Variants in SLC9C2 observed in about 807,000 individuals in gnomAD.
SLC9C2 encodes the protein sodium/hydrogen exchanger 11.
Under a neutral mutation model 140.2 loss-of-function variants are expected in SLC9C2, and 75 were observed. The observed-to-expected ratio is 0.53, with a 90% CI of 0.44 to 0.65. The LOEUF (loss-of-function observed/expected upper bound fraction) is 0.65. Among genes scored for constraint, SLC9C2 ranks in the 30% least tolerant of loss-of-function variants. The pLI, the probability that SLC9C2 is intolerant of heterozygous loss-of-function variation, is 0.00. For synonymous variants in SLC9C2, 375 were observed against 420.9 expected, an observed-to-expected ratio of 0.89 and a Z score of 1.34; for missense variants, 1,074 against 1,331.8, an observed-to-expected ratio of 0.81 and a Z score of 3.01.
intron 27 of SLC9C2, 107 bp downstream of exon 27, chr1:173,503,159 T>C (rs1432597361): frequency 1.3e-5 from 10 of 778,646 alleles, no homozygotes; most frequent in Non-Finnish European, 1.9e-5. Flanking sequence ...GCTAGGAGTG[T>C]CTTTTCTCAC....
chr1:173,568,362 G>C (rs1371599063), intron 9 of SLC9C2, among the ~76,000 whole-genome samples: 1 of 151,754 alleles, frequency 6.6e-6, no homozygotes, highest in Non-Finnish European at 1.5e-5. Flanking sequence ...GCCTCCACTT[G>C]TAAGTTATAA....
At position 173,600,253 on chromosome 1, in the gene SLC9C2, C is replaced by T. The variant is rs373051800; in HGVS notation, c.128-36G>A. The T allele has an allele frequency of 1.3e-5, 19 of 1,469,560 alleles. No individual in the cohort carries two copies. The African/African-American group carries it at 2.1e-4, about 16-fold the overall frequency. 91.0% of individuals were successfully genotyped at this position (1,469,560 alleles called of 1,614,324 possible). ...AAAACAGAATAGTTGCATGAGTACT[C>T]GAAGTACAGTTTCTACCAAATGTGT... On this transcript the variant is annotated intron_variant, in intron 2 of 27. Coordinates refer to ENST00000367714, the MANE Select transcript of SLC9C2 (RefSeq NM_178527.4).
At chr1:173,569,592 C>T (rs1020604798) in intron 9 of SLC9C2, among the ~76,000 whole-genome samples, 1 of 152,006 alleles carries the variant, frequency 6.6e-6, no homozygotes, top group Non-Finnish European at 1.5e-5. Context: ...CTTAGACTTG[C>T]CCTTCTGAGG....
chr1:173,565,133 G>A (rs1442905408), intron 9 of SLC9C2, among the ~76,000 whole-genome samples: 1 of 151,864 alleles, frequency 6.6e-6, no homozygotes, highest in Non-Finnish European at 1.5e-5. Flanking sequence ...GTACAGATGG[G>A]TGGTTTCCTC....
At chr1:173,586,584 G>A (rs548707223) in intron 5 of SLC9C2, among the ~76,000 whole-genome samples, 1 of 152,306 alleles carries the variant, frequency 6.6e-6, no homozygotes, top group South Asian at 2.1e-4. Flanking sequence ...ACACATGTAT[G>A]TTTATTACAG....
At chr1:173,542,547 A>T (rs1218951795) in intron 13 of SLC9C2, among the ~76,000 whole-genome samples, 1 of 152,160 alleles carries the variant, frequency 6.6e-6, no homozygotes, top group Non-Finnish European at 1.5e-5. Context: ...CCTGGCAGAG[A>T]CACAACAAAA....
intron 13 of SLC9C2, among the ~76,000 whole-genome samples, chr1:173,537,843 T>C (rs1389079880): frequency 6.6e-6 from 1 of 152,158 alleles, no homozygotes; most frequent in Non-Finnish European, 1.5e-5. Flanking sequence ...AGAAAAATTA[T>C]AGCTTCTACA....
intron 16 of SLC9C2, among the ~76,000 whole-genome samples, chr1:173,534,194 C>T (rs1172705358): frequency 6.6e-6 from 1 of 152,080 alleles, no homozygotes; most frequent in Non-Finnish European, 1.5e-5. Context: ...TGCATCATTA[C>T]ACAAAATATT....
chr1:173,570,518 G>A (rs995769814), intron 9 of SLC9C2, among the ~76,000 whole-genome samples: 1 of 152,086 alleles, frequency 6.6e-6, no homozygotes, highest in Admixed American at 6.6e-5. Context: ...GCTGTGGGAG[G>A]GGTGGCACAA....
In SLC9C2 at chr1:173,601,829, T is replaced by C. The variant is rs1666802260; in HGVS notation, c.-53A>G. The C allele has an allele frequency of 8.1e-6, 13 of 1,605,500 alleles. No homozygotes were observed. Among genetic ancestry groups the C allele is most frequent in the Admixed American group, 3.4e-5 (2 of 59,086 alleles). On this transcript the variant is annotated 5_prime_UTR_variant, in exon 2 of 28. Transcript: ENST00000367714. ...ACTTGATGGAGTGGTTTGGTTATTA[T>C]TGACACTTTCACTTCTGCATGCTAA...
rs200329765 is a variant in SLC9C2, at chr1:173,576,722, C to T, written c.841G>A (p.Ala281Thr). ...AAAGAATCTAAATTCAGTCCTACAG[C>T]GGCTAAGGCAAGAGTGCCTGACATT... The part of the protein sequence containing the change: ...LGMSGTLALA[A>T]VGLNLDSLTF... Residue 281 changes from alanine to threonine, a missense_variant, in exon 8 of 28, where the codon GCT (alanine) becomes ACT (threonine). Physicochemically the swap from Ala to Thr is moderately conservative, Grantham distance 58 (BLOSUM62 0). Coordinates refer to ENST00000367714, the MANE Select transcript of SLC9C2 (RefSeq NM_178527.4). 4.8e-5 allele frequency: 77 copies of T among 1,608,554 alleles called. No individual in the cohort carries two copies. The East Asian group carries it at 1.4e-3, about 29-fold the overall frequency.
chr1:173,548,541 G>C lies in SLC9C2; in HGVS notation c.1309C>G (p.Leu437Val). Residue 437 changes from leucine to valine, a missense_variant, in exon 12 of 28, where the codon CTT becomes GTT. Leu to Val is a conservative substitution (Grantham distance 32, BLOSUM62 1). Coordinates refer to ENST00000367714, the MANE Select transcript of SLC9C2 (RefSeq NM_178527.4). ...AAGATCATTTGTCTTGGGAGGGAAA[G>C]AACACACAAATCTGTGACAAAGACA... is the stretch of plus-strand genomic sequence containing the variant. ...QSARKLDLCVLSLPRQMILQN... is the reference protein window; with the variant it reads ...QSARKLDLCVVSLPRQMILQN... 4 of 1,613,560 alleles carry C rather than the reference G, an allele frequency of 2.5e-6. No individual in the cohort carries two copies. The highest frequency in any genetic ancestry group is 3.4e-6 in the Non-Finnish European group (4 of 1,179,656).
In SLC9C2 at chr1:173,505,587, G is replaced by A. The variant is rs187187324; in HGVS notation, c.3226-256C>T. On this transcript the variant is annotated intron_variant, in intron 25 of 27. Coordinates refer to ENST00000367714, the MANE Select transcript of SLC9C2 (RefSeq NM_178527.4). ...AACTAGGCTGGAAATTCCCAGTTTG[G>A]AAAGCAGGGAATCCCCAGCATCCAG... Among the ~76,000 whole-genome samples the A allele has an allele frequency of 8.0e-4, 122 of 152,192 alleles. 2 individuals are homozygous for A. The East Asian group carries it at 0.018, about 23-fold the overall frequency.
intron 13 of SLC9C2, among the ~76,000 whole-genome samples, chr1:173,538,004 A>C (rs1290244859): frequency 6.6e-6 from 1 of 152,190 alleles, no homozygotes; most frequent in Non-Finnish European, 1.5e-5. Context: ...CAAGTCTTAA[A>C]ATTTGAGGGA....
intron 17 of SLC9C2, among the ~76,000 whole-genome samples, chr1:173,530,410 C>T (rs1374119405): frequency 1.3e-5 from 2 of 152,196 alleles, no homozygotes; most frequent in Non-Finnish European, 2.9e-5. Context: ...AAACCCCTAA[C>T]CAGGTCTCCT....
chr1:173,583,737 C>G, intron 5 of SLC9C2, 115 bp from the exon 6 acceptor site: 1 of 596,360 alleles, frequency 1.7e-6, no homozygotes, highest in Non-Finnish European at 2.9e-6. Context: ...AAGAACAAGG[C>G]AACTATGACT....
At chr1:173,577,124 T>C (rs1338455636) in intron 7 of SLC9C2, among the ~76,000 whole-genome samples, 1 of 152,258 alleles carries the variant, frequency 6.6e-6, no homozygotes, top group Non-Finnish European at 1.5e-5. Flanking sequence ...AATATTCTTC[T>C]TTTGTGCCAT....
rs1571654246 is a variant in SLC9C2 at position 173,601,745 on chromosome 1, C to T, written c.32G>A (p.Ser11Asn). Residue 11 changes from serine to asparagine, a missense_variant, in exon 2 of 28, where the codon AGT becomes AAT. Physicochemically the swap from Ser to Asn is conservative, Grantham distance 46. Coordinates refer to ENST00000367714, the MANE Select transcript of SLC9C2 (RefSeq NM_178527.4). ...CCCGCAGAGTAAATCAGGTCTGTTACTTTCATTTTGTGCCCAGAAGTAAGA... is the reference window on the plus strand; with the variant it reads ...CCCGCAGAGTAAATCAGGTCTGTTATTTTCATTTTGTGCCCAGAAGTAAGA... MSSYFWAQNE[S>N]NRPDLLCGQP... 1.9e-6 allele frequency: 3 copies of T among 1,614,054 alleles called. No individual in the cohort carries two copies. The highest frequency in any genetic ancestry group is 4.5e-5 in the East Asian group (2 of 44,872).
At position 173,529,952 on chromosome 1, in the gene SLC9C2, C is replaced by T. The variant is rs761277239; in HGVS notation, c.2266G>A (p.Ala756Thr). ...TKGYIKSQED[A>T]KLLIKQIAVC... ...GCTATTTGTTTTATTAGAAGTTTGG[C>T]ATCTTCTTGACTTTTGATATAGCCT... Residue 756 changes from alanine to threonine, a missense_variant, in exon 18 of 28, where the codon GCC (alanine) becomes ACC (threonine). Transcript: ENST00000367714. The T allele has an allele frequency of 8.7e-6, 14 of 1,612,302 alleles. No individual in the cohort carries two copies. The highest frequency in any genetic ancestry group is 1.7e-4 in the Middle Eastern group (1 of 6,000).
Sources: gnomAD v4.1 joint callset for allele counts (sites outside exome capture counted in the v4.1 genomes callset) on GRCh38, gnomAD v4.1.1 for gene constraint, MANE v1.5 for transcripts, NCBI Gene and HGNC (gene_info 2026-07-23, HGNC 2026-07-21) for gene names.